EFNA5: variants seen among roughly 807,000 people sequenced by gnomAD.
EFNA5 encodes ephrin A5.
A neutral mutation model predicts 22.9 loss-of-function variants in EFNA5; 5 were observed. The ratio of observed to expected loss-of-function variants is 0.22; its 90% confidence interval spans 0.11 to 0.46. EFNA5 has a LOEUF of 0.46. Ranked by LOEUF, EFNA5 falls within the 20% of genes least tolerant of loss-of-function variation. EFNA5 has a pLI of 0.99. For synonymous variants in EFNA5, 113 were observed against 112.2 expected (o/e 1.01, Z -0.04); for missense variants, 237 against 293.3 (o/e 0.81, Z 1.40).
intron 1 of EFNA5, among the ~76,000 whole-genome samples, chr5:107,598,753 T>TA (rs1008539897): frequency 6.6e-6 from 1 of 152,170 alleles, no homozygotes; most frequent in African/African-American, 2.4e-5. Flanking sequence ...TCTCTACTCT[T>TA]AAATCTCAAT....
intron 1 of EFNA5, among the ~76,000 whole-genome samples, chr5:107,475,311 C>T (rs1209288043): frequency 1.3e-5 from 2 of 152,238 alleles, no homozygotes; most frequent in Non-Finnish European, 2.9e-5. Flanking sequence ...ATTTCACATA[C>T]TTCACACTTA....
intron 1 of EFNA5, among the ~76,000 whole-genome samples, chr5:107,617,830 A>C (rs1749954727): frequency 6.6e-6 from 1 of 152,134 alleles, no homozygotes; most frequent in Non-Finnish European, 1.5e-5. Flanking sequence ...GCATCTACTT[A>C]AAGTAAGTGG....
chr5:107,494,305 G>A (rs1047826897), intron 1 of EFNA5, among the ~76,000 whole-genome samples: 4 of 152,184 alleles, frequency 2.6e-5, no homozygotes, highest in African/African-American at 9.6e-5. Context: ...CTGGAGTTCC[G>A]GGTGGGCGTG....
At chr5:107,411,977 T>C (rs1260433021) in intron 2 of EFNA5, among the ~76,000 whole-genome samples, 1 of 152,208 alleles carries the variant, frequency 6.6e-6, no homozygotes, top group Non-Finnish European at 1.5e-5. Flanking sequence ...GATGGGGTAT[T>C]ATCAAATGTT....
At chr5:107,498,159 G>A (rs1222435674) in intron 1 of EFNA5, among the ~76,000 whole-genome samples, 16 of 152,080 alleles carry the variant, frequency 1.1e-4, no homozygotes, top group East Asian at 3.9e-4. Flanking sequence ...CAAGTGATCC[G>A]CCTTTCTCGG....
intron 1 of EFNA5, among the ~76,000 whole-genome samples, chr5:107,432,392 C>A (rs756483508): frequency 1.3e-5 from 2 of 152,190 alleles, no homozygotes; most frequent in Non-Finnish European, 2.9e-5. Context: ...ATTGCTTTAA[C>A]ATATTTGTAA....
intron 1 of EFNA5, among the ~76,000 whole-genome samples, chr5:107,449,888 G>C (rs1749510550): frequency 6.6e-6 from 1 of 152,178 alleles, no homozygotes. Context: ...TTAAGATTTT[G>C]TCCAGGTCTG....
intron 1 of EFNA5, among the ~76,000 whole-genome samples, chr5:107,461,051 T>C (rs1389944861): frequency 6.6e-6 from 1 of 152,270 alleles, no homozygotes; most frequent in African/African-American, 2.4e-5. Context: ...TGTATTTCTT[T>C]GTGTTTTCAG....
chr5:107,479,017 T>A (rs1044057434), intron 1 of EFNA5, among the ~76,000 whole-genome samples: 3 of 152,186 alleles, frequency 2.0e-5, no homozygotes, highest in African/African-American at 7.2e-5. Flanking sequence ...TTTAAGAAAG[T>A]AATTTTAATT....
intron 1 of EFNA5, among the ~76,000 whole-genome samples, chr5:107,511,504 T>A (rs1297231275): frequency 6.6e-6 from 1 of 152,124 alleles, no homozygotes; most frequent in Non-Finnish European, 1.5e-5. Context: ...TAAAATAAAC[T>A]CAGTATTTTA....
chr5:107,475,061 T>A (rs1460001855), intron 1 of EFNA5, among the ~76,000 whole-genome samples: 1 of 152,224 alleles, frequency 6.6e-6, no homozygotes, highest in Non-Finnish European at 1.5e-5. Flanking sequence ...TTTACTTGAC[T>A]GGGAAATGAC....
At chr5:107,597,912 G>A (rs1445589303) in intron 1 of EFNA5, among the ~76,000 whole-genome samples, 4 of 152,092 alleles carry the variant, frequency 2.6e-5, no homozygotes, top group African/African-American at 9.7e-5. Flanking sequence ...AAATGGAGAA[G>A]TATTAAACAA....
rs570521816 is a variant in EFNA5 at position 107,620,733 on chromosome 5, T to C, written c.125+49756A>G. On this transcript the variant is annotated intron_variant, in intron 1 of 4. Coordinates refer to ENST00000333274, the MANE Select transcript of EFNA5 (RefSeq NM_001962.3). ...ATTAAGAAAATAGGATGGGGTAAAA[T>C]AGAGTTGAAAAGTCCCTCCTATTAA... 1.1e-4 allele frequency among the ~76,000 whole-genome samples: 17 copies of C among 152,190 alleles called. No individual in the cohort carries two copies. The South Asian group carries it at 2.1e-3, about 19-fold the overall frequency.
rs571682917 is a variant in EFNA5, at chr5:107,465,110, C to T, written c.126-37601G>A. ...AACAATTCAAGGGAAGTTTCCGAAC[C>T]ACTGCTTTTCCTTAGGCCAATGGTT... On this transcript the variant is annotated intron_variant, in intron 1 of 4. Transcript: ENST00000333274. Among the ~76,000 whole-genome samples the T allele has an allele frequency of 5.3e-5, 8 of 151,538 alleles. No individual in the cohort carries two copies. In the South Asian group the frequency reaches 1.7e-3, roughly 32 times the overall value.
At chr5:107,542,541 T>A (rs1305277875) in intron 1 of EFNA5, among the ~76,000 whole-genome samples, 1 of 150,436 alleles carries the variant, frequency 6.6e-6, no homozygotes, top group East Asian at 2.0e-4. Flanking sequence ...TCTGTCTGTG[T>A]TGTTGTGGTA....
intron 1 of EFNA5, among the ~76,000 whole-genome samples, chr5:107,475,747 T>C (rs1248918112): frequency 1.3e-5 from 2 of 151,880 alleles, no homozygotes; most frequent in Non-Finnish European, 2.9e-5. Flanking sequence ...ACAATCTGAT[T>C]ACATATTTCT....
intron 1 of EFNA5, among the ~76,000 whole-genome samples, chr5:107,542,291 C>T (rs924200021): frequency 6.6e-6 from 1 of 152,138 alleles, no homozygotes; most frequent in Admixed American, 6.5e-5. Flanking sequence ...AGGAAACTGT[C>T]AAAGAATAAA....
chr5:107,487,913 G>A (rs781176532), intron 1 of EFNA5, among the ~76,000 whole-genome samples: 3 of 152,202 alleles, frequency 2.0e-5, no homozygotes, highest in Non-Finnish European at 2.9e-5. Context: ...AGACCAGCTA[G>A]CAGACTACTG....
chr5:107,582,920 A>G (rs1180023255), intron 1 of EFNA5, among the ~76,000 whole-genome samples: 1 of 152,172 alleles, frequency 6.6e-6, no homozygotes, highest in African/African-American at 2.4e-5. Context: ...ACTATAATCT[A>G]GTTAGTAGGA....
Sources: allele counts gnomAD v4.1 joint callset (sites outside exome capture counted in the v4.1 genomes callset), GRCh38; gene constraint gnomAD v4.1.1; transcripts MANE v1.5; gene names NCBI Gene and HGNC (gene_info 2026-07-23, HGNC 2026-07-21).